Variants in COQ8A observed in about 807,000 individuals in gnomAD.
The protein encoded by COQ8A is coenzyme Q8A, also known as atypical kinase COQ8A, mitochondrial.
COQ8A carries 51 observed loss-of-function variants against 65.0 expected under a neutral mutation model. That is an observed-to-expected ratio of 0.78 (90% confidence interval 0.63 to 0.99). The LOEUF is 0.99. Ranked by LOEUF, COQ8A falls within the 50% of genes least tolerant of loss-of-function variation. The probability of loss-of-function intolerance (pLI) is 0.00; values close to 1 mark genes in which losing one functional copy is unlikely to be tolerated. For missense variants in COQ8A, 940 were observed against 875.0 expected (o/e 1.07, Z -0.94); for synonymous variants, 371 against 353.2 (o/e 1.05, Z -0.57).
At chr1:226,979,372 C>T (rs186119669) in intron 5 of COQ8A, among the ~76,000 whole-genome samples, 20 of 152,290 alleles carry the variant, frequency 1.3e-4, no homozygotes, top group East Asian at 5.8e-4. Flanking sequence ...TCTTCAGGCA[C>T]GGGGGGCGGG....
intron 8 of COQ8A, 81 bp from the exon 9 acceptor site, chr1:226,983,471 G>C (rs1659841197): frequency 7.5e-7 from 1 of 1,337,490 alleles, no homozygotes; most frequent in Non-Finnish European, 1.1e-6. Flanking sequence ...TGGGAAGCCA[G>C]TTGGGGGTTG....
At chr1:226,941,832 A>G (rs967634153) in intron 1 of COQ8A, among the ~76,000 whole-genome samples, 1 of 152,018 alleles carries the variant, frequency 6.6e-6, no homozygotes, top group African/African-American at 2.4e-5. Context: ...AGCCTTGCAA[A>G]TGGTGCGGAC....
rs1660145458 is a variant in COQ8A, at chr1:226,986,740, C to G, written c.*3C>G. 6.2e-7 allele frequency: 1 copy of G among 1,611,852 alleles called. No individual in the cohort carries two copies. The highest frequency in any genetic ancestry group is 1.3e-5 in the African/African-American group (1 of 74,948). ...GCAAGAGGCAGGCCCAGCAGTAGGG[C>G]TGCGGGCCACGCCCAGGCCGGCTCC... On this transcript the variant is annotated 3_prime_UTR_variant, in exon 15 of 15. Transcript: ENST00000366777.
chr1:226,985,021 A>C (rs1173149287), intron 13 of COQ8A, 80 bp downstream of exon 13: 2 of 1,544,398 alleles, frequency 1.3e-6, no homozygotes. Flanking sequence ...GGGTAGGGAG[A>C]ATGACTGGGT....
intron 1 of COQ8A, among the ~76,000 whole-genome samples, chr1:226,944,845 G>A (rs1358003083): frequency 6.6e-6 from 1 of 151,716 alleles, no homozygotes; most frequent in East Asian, 1.9e-4. Context: ...CGGGTCATTT[G>A]GAAAAGCCCA....
chr1:226,980,421 C>G (rs920693941), intron 5 of COQ8A, among the ~76,000 whole-genome samples: 1 of 152,234 alleles, frequency 6.6e-6, no homozygotes, highest in South Asian at 2.1e-4. Context: ...AGGAGACAGA[C>G]TGTCCCTCCT....
chr1:226,954,605 G>C (rs1657578441), intron 1 of COQ8A, among the ~76,000 whole-genome samples: 1 of 152,252 alleles, frequency 6.6e-6, no homozygotes, highest in African/African-American at 2.4e-5. Context: ...AGCCTCCTGA[G>C]AGGCCCTTGA....
chr1:226,982,340 A>G, intron 6 of COQ8A, 191 bp downstream of exon 6: 1 of 859,192 alleles, frequency 1.2e-6, no homozygotes, highest in Non-Finnish European at 1.8e-6. Context: ...CATGGAATAA[A>G]GAGCAGAGAG....
At chr1:226,943,123 T>G (rs1656802702) in intron 1 of COQ8A, among the ~76,000 whole-genome samples, 1 of 152,184 alleles carries the variant, frequency 6.6e-6, no homozygotes, top group Non-Finnish European at 1.5e-5. Context: ...TAGAAAAGGA[T>G]CAGGAAGGAA....
At position 226,984,536 on chromosome 1, in the gene COQ8A, C is replaced by A; in HGVS notation, c.1399-12C>A. ...GGTGCTGCCTGACACAGACCCTTCG[C>A]GCTGTCCACAGATCTGCTACAACAT... On this transcript the variant is annotated splice_polypyrimidine_tract_variant and intron_variant, in intron 11 of 14. Coordinates refer to ENST00000366777, the MANE Select transcript of COQ8A (RefSeq NM_020247.5). 6.2e-7 allele frequency: 1 copy of A among 1,604,952 alleles called. No homozygotes were observed. Among genetic ancestry groups the A allele is most frequent in the Non-Finnish European group, 8.5e-7 (1 of 1,171,456 alleles).
rs541836846 is a variant in COQ8A, at chr1:226,983,796, C to A, written c.1198C>A (p.Arg400=). ...FPEHLIDVLR[R]ELALECDYQR... ...CGAGCACCTGATCGACGTGCTGAGG[C>A]GGGAGCTGGCCCTGGAGTGTGACTA... is the stretch of plus-strand genomic sequence containing the variant. Residue 400 remains arginine, a synonymous_variant, in exon 10 of 15, where the codon CGG becomes AGG. Transcript: ENST00000366777. The A allele has an allele frequency of 1.9e-6, 3 of 1,612,746 alleles. No individual in the cohort carries two copies. Among genetic ancestry groups the A allele is most frequent in the Non-Finnish European group, 2.5e-6 (3 of 1,179,988 alleles).
intron 7 of COQ8A, 29 bp downstream of exon 7, chr1:226,982,792 CTG>C: frequency 6.2e-7 from 1 of 1,613,256 alleles, no homozygotes; most frequent in South Asian, 1.1e-5. Context: ...TGCCCACTCT[CTG>C]TGGCCTCGGC....
intron 12 of COQ8A, 30 bp from the exon 13 acceptor site, chr1:226,984,846 C>T: frequency 6.2e-7 from 1 of 1,612,766 alleles, no homozygotes; most frequent in African/African-American, 1.3e-5. Context: ...AGCACCAGGG[C>T]CAAACTTCTC....
intron 4 of COQ8A, among the ~76,000 whole-genome samples, chr1:226,969,413 C>T (rs1658752495): frequency 6.6e-6 from 1 of 152,094 alleles, no homozygotes; most frequent in Non-Finnish European, 1.5e-5. Flanking sequence ...ATTCTCCTGC[C>T]TCAGCCTCCC....
chr1:226,958,693 C>G (rs1657964119), intron 1 of COQ8A, among the ~76,000 whole-genome samples: 1 of 152,186 alleles, frequency 6.6e-6, no homozygotes, highest in Non-Finnish European at 1.5e-5. Flanking sequence ...GCACCTGTCT[C>G]CCACCCCCAC....
intron 1 of COQ8A, among the ~76,000 whole-genome samples, chr1:226,941,940 C>G (rs771759836): frequency 6.6e-6 from 1 of 152,140 alleles, no homozygotes; most frequent in African/African-American, 2.4e-5. Context: ...AGTGTGTTAT[C>G]TAAGACAAAG....
rs755434240 is a variant in COQ8A at position 226,983,681 on chromosome 1, T to G, written c.1162+48T>G. On this transcript the variant is annotated intron_variant, in intron 9 of 14. Transcript: ENST00000366777. ...CAAGGGCAGGAGTGGGTGGCAGGCA[T>G]CTGTGTTGGGTTCTGGGGACCAGAG... is the stretch of plus-strand genomic sequence containing the variant. 5.0e-5 allele frequency: 81 copies of G among 1,612,068 alleles called. No homozygotes were observed. In the Middle Eastern group the frequency reaches 6.6e-4, roughly 13 times the overall value.
rs550709695 is a variant in COQ8A at position 226,955,367 on chromosome 1, T to C, written c.-9-6010T>C. ...CCCGCTTTTCCTGGTTCACTCTCCC[T>C]GGCTCCCACTCTCCCTGGCTCCCAC... On this transcript the variant is annotated intron_variant, in intron 1 of 14. Transcript: ENST00000366777. Among the ~76,000 whole-genome samples, 15 of 150,618 alleles carry C rather than the reference T, an allele frequency of 1.0e-4. No individual in the cohort carries two copies. The East Asian group carries it at 2.9e-3, about 29-fold the overall frequency.
rs1055192985 is a variant in COQ8A at position 226,940,360 on chromosome 1, G to A, written c.-49G>A. ...AGCGCGCAGAGGCGGGCGCGGAGGC[G>A]GCTAGAAGGTGACCGCGGATCCCAG... On this transcript the variant is annotated 5_prime_UTR_variant, in exon 1 of 15. Transcript: ENST00000366777. 6.6e-6 allele frequency: 1 copy of A among 152,318 alleles called. No homozygotes were observed. The highest frequency in any genetic ancestry group is 1.5e-5 in the Non-Finnish European group (1 of 68,104). 9.4% of individuals were successfully genotyped at this position (152,318 alleles called of 1,614,324 possible). A position where few individuals can be genotyped will look rare whatever the true frequency, so the allele number is the denominator to read the frequency against.
Sources: gnomAD v4.1 joint callset for allele counts (sites outside exome capture counted in the v4.1 genomes callset) on GRCh38, gnomAD v4.1.1 for gene constraint, MANE v1.5 for transcripts, NCBI Gene and HGNC (gene_info 2026-07-23, HGNC 2026-07-21) for gene names.